CHEK2: variants seen among roughly 807,000 people sequenced by gnomAD.
The protein encoded by CHEK2 is checkpoint kinase 2.
A neutral mutation model predicts 69.1 loss-of-function variants in CHEK2; 71 were observed. The observed-to-expected ratio is 1.03, with a 90% confidence interval of 0.85 to 1.25. The LOEUF (loss-of-function observed/expected upper bound fraction) is 1.25. Ranked by LOEUF, CHEK2 falls within the 50% of genes most tolerant of loss-of-function variation. The pLI is 0.00. For missense variants in CHEK2, 664 were observed against 649.6 expected (o/e 1.02, Z -0.24); for synonymous variants, 189 against 226.9 (o/e 0.83, Z 1.50).
At position 28,704,418 on chromosome 22, in the gene CHEK2, C is replaced by T. The variant is rs1022657491; in HGVS notation, c.847-852G>A. Reference sequence around the variant, plus strand: ...CATGATCTCAGCTCACTGCAACCTCCGCCTCCCGGGTTCAAGCTATTCTCC... The same window carrying T: ...CATGATCTCAGCTCACTGCAACCTCTGCCTCCCGGGTTCAAGCTATTCTCC... On this transcript the variant is annotated intron_variant, in intron 7 of 14. Transcript: ENST00000404276. 8.6e-5 allele frequency among the ~76,000 whole-genome samples: 13 copies of T among 151,902 alleles called. No individual in the cohort carries two copies. The East Asian group carries it at 1.5e-3, about 18-fold the overall frequency.
At chr22:28,722,784 ATAGCTCACTG>A (rs2053845560) in intron 4 of CHEK2, among the ~76,000 whole-genome samples, 1 of 152,108 alleles carries the variant, frequency 6.6e-6, no homozygotes, top group South Asian at 2.1e-4. Context: ...AGGCACAATC[ATAGCTCACTG>A]TAGCCTTAAA....
chr22:28,726,495 T>A (rs2146082007), intron 2 of CHEK2: 1 of 146,422 alleles, frequency 6.8e-6, no homozygotes, highest in African/African-American at 2.5e-5. Flanking sequence ...GTCTTAAATA[T>A]AATTATATAT....
Position 28,689,159 on chromosome 22 carries a change from T to C in CHEK2, c.1518A>G (p.Thr506=), listed in dbSNP as rs1052262892. The C allele has an allele frequency of 1.9e-6, 3 of 1,595,234 alleles. No homozygotes were observed. The highest frequency in any genetic ancestry group is 2.5e-6 in the Non-Finnish European group (3 of 1,178,842). The change falls in exon 14 of 15, where the codon ACA becomes ACG. Residue 506 remains threonine (T), a synonymous_variant. Coordinates refer to ENST00000404276, the MANE Select transcript of CHEK2 (RefSeq NM_007194.4). ...CCTGGGCTAGAACCTGGGGTAGAGC[T>C]GTGGATTCATTTTCCTCAGACAGAA... is the stretch of plus-strand genomic sequence containing the variant. The part of the protein sequence containing the change: ...QDLLSEENES[T]ALPQVLAQPS...
At chr22:28,698,355 A>G (rs1287414126) in intron 9 of CHEK2, among the ~76,000 whole-genome samples, 1 of 151,980 alleles carries the variant, frequency 6.6e-6, no homozygotes, top group Non-Finnish European at 1.5e-5. Context: ...AGATCGTGCC[A>G]TTGGACTCCA....
At position 28,734,671 on chromosome 22, in the gene CHEK2, G is replaced by T. The variant is rs1601853973; in HGVS notation, c.51C>A (p.Ala17=). Residue 17 remains alanine (A), a synonymous_variant, in exon 2 of 15, where the codon GCC becomes GCA. Coordinates refer to ENST00000404276, the MANE Select transcript of CHEK2 (RefSeq NM_007194.4). The part of the protein sequence containing the change: ...VEAQQSHGSS[A]CSQPHGSVTQ... ...TAACGCTGCCATGGGGCTGTGAACA[G>T]GCACTGCTGCCATGAGACTGCTGAG... is the stretch of plus-strand genomic sequence containing the variant. The T allele has an allele frequency of 1.9e-6, 3 of 1,613,914 alleles. No individual in the cohort carries two copies. The highest frequency in any genetic ancestry group is 8.5e-7 in the Non-Finnish European group (1 of 1,180,016).
intron 2 of CHEK2, 100 bp from the exon 3 acceptor site, chr22:28,725,467 G>T: frequency 7.3e-7 from 1 of 1,378,682 alleles, no homozygotes; most frequent in Non-Finnish European, 1.0e-6. Flanking sequence ...AGCCTAAGAA[G>T]GCAATCAGAA....
At chr22:28,695,618 T>G in intron 11 of CHEK2, 92 bp downstream of exon 11, 5 of 1,071,038 alleles carry the variant, frequency 4.7e-6, no homozygotes, top group Non-Finnish European at 7.1e-6. Flanking sequence ...ATCAAGCCAC[T>G]GCATGCCAGC....
At chr22:28,709,398 G>C (rs1355741885) in intron 7 of CHEK2, among the ~76,000 whole-genome samples, 1 of 152,166 alleles carries the variant, frequency 6.6e-6, no homozygotes, top group Admixed American at 6.5e-5. Flanking sequence ...ATAACCAGTT[G>C]TGTCTATGAG....
chr22:28,721,448 G>C (rs1315471896), intron 4 of CHEK2: 2 of 309,630 alleles, frequency 6.5e-6, no homozygotes, highest in East Asian at 1.6e-4. Flanking sequence ...CATCATGCCC[G>C]GCTAATTTTT....
chr22:28,713,831 C>T (rs960412015), intron 5 of CHEK2, among the ~76,000 whole-genome samples: 1 of 152,064 alleles, frequency 6.6e-6, no homozygotes, highest in Admixed American at 6.5e-5. Flanking sequence ...CAGGTGTGTG[C>T]CACCTCGCCC....
intron 5 of CHEK2, among the ~76,000 whole-genome samples, chr22:28,718,550 C>T (rs565603999): frequency 6.6e-5 from 10 of 152,188 alleles, no homozygotes; most frequent in Non-Finnish European, 1.0e-4. Context: ...AATGAATGAA[C>T]GGACAAAGTA....
At chr22:28,699,238 A>G (rs2052718736) in intron 9 of CHEK2, among the ~76,000 whole-genome samples, 1 of 152,100 alleles carries the variant, frequency 6.6e-6, no homozygotes, top group South Asian at 2.1e-4. Context: ...CTTGGGCTCA[A>G]GTGATCCTCC....
intron 7 of CHEK2, among the ~76,000 whole-genome samples, chr22:28,707,384 C>A (rs974335169): frequency 4.6e-5 from 7 of 152,138 alleles, no homozygotes; most frequent in Non-Finnish European, 8.8e-5. Context: ...AACGGGGGCT[C>A]CAATAAATAA....
chr22:28,713,497 C>T (rs1178254222), intron 5 of CHEK2, among the ~76,000 whole-genome samples: 1 of 151,330 alleles, frequency 6.6e-6, no homozygotes, highest in Non-Finnish European at 1.5e-5. Context: ...GCTGGGACTA[C>T]AGGTACCCGC....
intron 9 of CHEK2, among the ~76,000 whole-genome samples, chr22:28,699,424 G>A (rs1367863121): frequency 1.5e-5 from 2 of 135,810 alleles, no homozygotes; most frequent in African/African-American, 5.6e-5. Flanking sequence ...GGAGCACAGT[G>A]GCATGATCTC....
chr22:28,715,363 T>C (rs925189964), intron 5 of CHEK2, among the ~76,000 whole-genome samples: 5 of 151,996 alleles, frequency 3.3e-5, no homozygotes, highest in African/African-American at 1.2e-4. Flanking sequence ...GATCCAGCCA[T>C]GCCTGAAGTA....
chr22:28,690,284 GA>G (rs2052310290), intron 13 of CHEK2, among the ~76,000 whole-genome samples: 1 of 152,106 alleles, frequency 6.6e-6, no homozygotes, highest in Admixed American at 6.6e-5. Context: ...TTGAGGCCAG[GA>G]ATTTGAGACC....
chr22:28,730,606 C>T, intron 2 of CHEK2: 3 of 613,666 alleles, frequency 4.9e-6, no homozygotes, highest in South Asian at 3.5e-5. Flanking sequence ...GCCTGTAATC[C>T]CAGCACTTTG....
intron 13 of CHEK2, among the ~76,000 whole-genome samples, chr22:28,692,831 C>G (rs9620815): frequency 0.58 from 88,155 of 151,088 alleles, 26,331 homozygotes; most frequent in South Asian, 0.73. Flanking sequence ...GGGGCAGTTT[C>G]CCCCAGGCTA....
Sources: allele counts gnomAD v4.1 joint callset (sites outside exome capture counted in the v4.1 genomes callset), GRCh38; gene constraint gnomAD v4.1.1; transcripts MANE v1.5; gene names NCBI Gene and HGNC (gene_info 2026-07-23, HGNC 2026-07-21).